GRIA3: variants seen among roughly 807,000 people sequenced by gnomAD.
GRIA3 encodes glutamate ionotropic receptor AMPA type subunit 3.
GRIA3 carries 3 observed loss-of-function variants against 63.0 expected under a neutral mutation model. The ratio of observed to expected loss-of-function variants is 0.05; its 90% CI spans 0.02 to 0.12. The LOEUF is 0.12. Among genes scored for constraint, GRIA3 ranks in the 10% least tolerant of loss-of-function variants. GRIA3 has a pLI of 1.00. For missense variants in GRIA3, 347 were observed against 700.9 expected (o/e 0.50, Z 5.70); for synonymous variants, 274 against 257.9 (o/e 1.06, Z -0.60).
At chrX:123,307,022 C>A (rs1233774588) in intron 3 of GRIA3, among the ~76,000 whole-genome samples, 3 of 111,742 alleles carry the variant, frequency 2.7e-5, no homozygotes, top group Non-Finnish European at 5.6e-5. Flanking sequence ...GGCTTCACTT[C>A]TTTTCTAATT....
chrX:123,475,241 C>A (rs1165954160), intron 13 of GRIA3, among the ~76,000 whole-genome samples: 1 of 112,058 alleles, frequency 8.9e-6, no homozygotes, highest in Admixed American at 9.5e-5. Flanking sequence ...CTCTTCCACC[C>A]CACCTCAAAC....
At chrX:123,191,115 C>T (rs1927422135) in intron 2 of GRIA3, among the ~76,000 whole-genome samples, 1 of 112,168 alleles carries the variant, frequency 8.9e-6, no homozygotes, top group South Asian at 3.7e-4. Flanking sequence ...CAGATGATTT[C>T]CCTGTCAACT....
rs2044269755 is a variant in GRIA3 at position 123,230,345 on chromosome X, C to T, written c.269-22958C>T. Among the ~76,000 whole-genome samples, 3 of 111,949 alleles carry T rather than the reference C, an allele frequency of 2.7e-5. No homozygotes were observed. In the South Asian group the frequency reaches 1.1e-3, roughly 42 times the overall value. On this transcript the variant is annotated intron_variant, in intron 2 of 15. Transcript: ENST00000620443. Reference sequence around the variant, plus strand: ...ACTAACCCATCTTGTGTCATATGCCCCCAGGACCTTGGCCTTAGTTAATAC... The same window carrying T: ...ACTAACCCATCTTGTGTCATATGCCTCCAGGACCTTGGCCTTAGTTAATAC...
At chrX:123,258,666 G>C (rs770263027) in intron 3 of GRIA3, among the ~76,000 whole-genome samples, 7 of 111,288 alleles carry the variant, frequency 6.3e-5, no homozygotes, top group Non-Finnish European at 1.9e-5. Flanking sequence ...GAAAGAATCC[G>C]GCCCAGCTGT....
intron 10 of GRIA3, among the ~76,000 whole-genome samples, chrX:123,413,467 T>A (rs1436681609): frequency 1.1e-5 from 1 of 91,352 alleles, no homozygotes; most frequent in African/African-American, 4.2e-5. Flanking sequence ...AGAGAGGAAG[T>A]GGCTTTATCT....
intron 3 of GRIA3, among the ~76,000 whole-genome samples, chrX:123,288,938 T>C (rs2044638591): frequency 8.9e-6 from 1 of 112,027 alleles, no homozygotes; most frequent in South Asian, 3.7e-4. Flanking sequence ...CAAAGGATTA[T>C]AAATTATTCT....
intron 12 of GRIA3, among the ~76,000 whole-genome samples, chrX:123,462,097 T>G (rs1260287782): frequency 1.8e-5 from 2 of 111,545 alleles, no homozygotes; most frequent in East Asian, 5.6e-4. Flanking sequence ...AGCCTTTTCT[T>G]TCTACCTCCA....
At chrX:123,299,222 G>T (rs1036515177) in intron 3 of GRIA3, among the ~76,000 whole-genome samples, 7 of 111,191 alleles carry the variant, frequency 6.3e-5, no homozygotes, top group Non-Finnish European at 3.8e-5. Context: ...TCTTTTTGTG[G>T]TTCCATATGA....
chrX:123,219,094 A>G (rs1326399344), intron 2 of GRIA3, among the ~76,000 whole-genome samples: 1 of 112,028 alleles, frequency 8.9e-6, no homozygotes, highest in Non-Finnish European at 1.9e-5. Context: ...TACCCTGAAC[A>G]TAGCACAGAG....
intron 12 of GRIA3, among the ~76,000 whole-genome samples, chrX:123,462,099 C>A (rs1017934586): frequency 1.8e-5 from 2 of 111,465 alleles, no homozygotes; most frequent in African/African-American, 3.3e-5. Flanking sequence ...CCTTTTCTTT[C>A]TACCTCCATT....
chrX:123,197,210 T>A (rs1303599741), intron 2 of GRIA3, among the ~76,000 whole-genome samples: 1 of 111,822 alleles, frequency 8.9e-6, no homozygotes, highest in African/African-American at 3.3e-5. Context: ...TTCTTCTGGA[T>A]GATGTTTGTG....
intron 11 of GRIA3, 60 bp from the exon 12 acceptor site, chrX:123,427,881 A>G (rs2045598586): frequency 6.3e-6 from 5 of 796,541 alleles, no homozygotes; most frequent in Non-Finnish European, 5.8e-6. Flanking sequence ...AAAGAAAAGG[A>G]TTTCTTAAAC....
chrX:123,187,433 T>G (rs1927309481), intron 2 of GRIA3, among the ~76,000 whole-genome samples: 1 of 112,239 alleles, frequency 8.9e-6, no homozygotes, highest in Non-Finnish European at 1.9e-5. Flanking sequence ...TTCCAGCTAG[T>G]GTGAAAGTTA....
chrX:123,191,787 G>A (rs1283150106), intron 2 of GRIA3, among the ~76,000 whole-genome samples: 1 of 110,509 alleles, frequency 9.0e-6, no homozygotes, highest in South Asian at 3.9e-4. Context: ...AGTGCAGTAC[G>A]GCCTGCACTC....
At chrX:123,354,612 G>A (rs769594995) in intron 4 of GRIA3, among the ~76,000 whole-genome samples, 1 of 111,536 alleles carries the variant, frequency 9.0e-6, no homozygotes, top group Non-Finnish European at 1.9e-5. Context: ...TCGAGTTCAT[G>A]AGTGGGGGAT....
intron 4 of GRIA3, among the ~76,000 whole-genome samples, chrX:123,327,214 T>A (rs2044911447): frequency 9.0e-6 from 1 of 111,559 alleles, no homozygotes; most frequent in East Asian, 2.8e-4. Context: ...AAAAATAGAA[T>A]TCAATGGGCC....
chrX:123,318,638 C>T (rs1250314946), intron 3 of GRIA3, among the ~76,000 whole-genome samples: 1 of 111,902 alleles, frequency 8.9e-6, no homozygotes, highest in Non-Finnish European at 1.9e-5. Context: ...CCACCTCAGC[C>T]TGGACCTTAT....
intron 3 of GRIA3, among the ~76,000 whole-genome samples, chrX:123,293,035 G>A (rs1031061407): frequency 9.1e-6 from 1 of 110,231 alleles, no homozygotes; most frequent in African/African-American, 3.3e-5. Flanking sequence ...GTACCTTCTG[G>A]TGTTTTTAAA....
chrX:123,480,798 C>G lies in GRIA3; in HGVS notation c.2439+621C>G, dbSNP rs772496811. Among the ~76,000 whole-genome samples the G allele has an allele frequency of 2.7e-5, 3 of 111,629 alleles. No homozygotes were observed. In the South Asian group the frequency reaches 1.1e-3, roughly 42 times the overall value. The stretch of plus-strand genomic sequence containing the variant: ...CAAAGGTGTCATTTGAATCTCTGTA[C>G]GTAATACTTTTAAAATTTAGTCGCA... On this transcript the variant is annotated intron_variant, in intron 14 of 15. Transcript: ENST00000620443.
Sources: allele counts gnomAD v4.1 joint callset (sites outside exome capture counted in the v4.1 genomes callset), GRCh38; gene constraint gnomAD v4.1.1; transcripts MANE v1.5; gene names NCBI Gene and HGNC (gene_info 2026-07-23, HGNC 2026-07-21).